The following CNTLN variants were observed in gnomAD, a reference collection of about 807,000 sequenced individuals.
CNTLN encodes the protein centlein, centrosomal protein.
Under a neutral mutation model 180.0 loss-of-function variants are expected in CNTLN, and 212 were observed. The ratio of observed to expected loss-of-function variants is 1.18; its 90% CI spans 1.05 to 1.32. CNTLN has a LOEUF of 1.32. Ranked by LOEUF, CNTLN falls within the 40% of genes most tolerant of loss-of-function variation. The probability of loss-of-function intolerance (pLI) is 0.00; values close to 1 mark genes in which losing one functional copy is unlikely to be tolerated. For missense variants in CNTLN, 2,095 were observed against 1,610.9 expected, an observed-to-expected ratio of 1.30 and a Z score of -5.14; for synonymous variants, 722 against 563.1, an observed-to-expected ratio of 1.28 and a Z score of -3.99.
chr9:17,474,607 G>C (rs540999473), intron 23 of CNTLN, among the ~76,000 whole-genome samples: 1 of 152,114 alleles, frequency 6.6e-6, no homozygotes, highest in Admixed American at 6.6e-5. Flanking sequence ...AGTGGCTCAC[G>C]CCTGTAATCC....
rs1175101171 is a variant in CNTLN, at chr9:17,189,073, G to GTTTTTTTTTTT, written c.450-37113_450-37103dup. Among the ~76,000 whole-genome samples, 8 of 68,906 alleles carry GTTTTTTTTTTT rather than the reference G, an allele frequency of 1.2e-4. 2 individuals carry two copies. Among genetic ancestry groups the GTTTTTTTTTTT allele is most frequent in the African/African-American group, 3.3e-4 (5 of 15,162 alleles). 45.2% of individuals were successfully genotyped at this position (68,906 alleles called of 152,430 possible). A position where few individuals can be genotyped will look rare whatever the true frequency, so the allele number is the denominator to read the frequency against. On this transcript the variant is annotated intron_variant, in intron 2 of 25. Coordinates refer to ENST00000380647, the MANE Select transcript of CNTLN (RefSeq NM_017738.4). ...ATCAATTTGAGCTTTTTGGGACTTAGTTTTTTTTTTTTTTTTTTTTTTTTT... is the reference window on the plus strand; with the variant it reads ...ATCAATTTGAGCTTTTTGGGACTTAGTTTTTTTTTTTTTTTTTTTTTTTTTTTTTTTTTTTT...
chr9:17,411,200 G>C (rs996236195), intron 16 of CNTLN, among the ~76,000 whole-genome samples: 32 of 152,122 alleles, frequency 2.1e-4, no homozygotes, highest in African/African-American at 7.5e-4. Context: ...TCCTGGCCTG[G>C]ATACCTGAAA....
chr9:17,206,765 T>C (rs1467240832), intron 2 of CNTLN, among the ~76,000 whole-genome samples: 1 of 152,240 alleles, frequency 6.6e-6, no homozygotes, highest in Admixed American at 6.5e-5. Flanking sequence ...TGAGCCCCTT[T>C]AGGCGTTCAT....
intron 19 of CNTLN, among the ~76,000 whole-genome samples, 164 bp from the exon 20 acceptor site, chr9:17,462,752 T>C (rs560796523): frequency 6.6e-6 from 1 of 151,632 alleles, no homozygotes; most frequent in South Asian, 2.1e-4. Flanking sequence ...TTATTTCTAT[T>C]ACAGCATATA....
intron 6 of CNTLN, among the ~76,000 whole-genome samples, chr9:17,279,659 C>T (rs1039847428): frequency 6.6e-6 from 1 of 151,210 alleles, no homozygotes; most frequent in African/African-American, 2.4e-5. Context: ...TTATGTAGAG[C>T]AGCTGCTCGA....
At chr9:17,412,431 A>G in intron 16 of CNTLN, among the ~76,000 whole-genome samples, 1 of 152,242 alleles carries the variant, frequency 6.6e-6, no homozygotes, top group East Asian at 1.9e-4. Flanking sequence ...TTGGAGTTAC[A>G]GACAGTCCCC....
chr9:17,369,280 T>G lies in CNTLN; in HGVS notation c.1987+2563T>G, dbSNP rs562353224. Among the ~76,000 whole-genome samples, 4 of 152,202 alleles carry G rather than the reference T, an allele frequency of 2.6e-5. No homozygotes were observed. The South Asian group carries it at 8.3e-4, about 32-fold the overall frequency. On this transcript the variant is annotated intron_variant, in intron 13 of 25. Transcript: ENST00000380647. ...CCCCTTCACCTTCCACCATGATTAT[T>G]AGTTTCCAGAGGCCTCCCCAGCCAT...
rs1016438044 is a variant in CNTLN at position 17,405,030 on chromosome 9, GC to G, written c.2616-4260del. Reference sequence around the variant, plus strand: ...TGGGATTACAGATGTGAGCCACCGCGCCCAGCCTAAAACAATTATTTTGAGG... The same window carrying G: ...TGGGATTACAGATGTGAGCCACCGCGCCAGCCTAAAACAATTATTTTGAGG... On this transcript the variant is annotated intron_variant, in intron 15 of 25. Coordinates refer to ENST00000380647, the MANE Select transcript of CNTLN (RefSeq NM_017738.4). 3.0e-4 allele frequency among the ~76,000 whole-genome samples: 46 copies of G among 151,730 alleles called. 1 individual carries two copies. The highest frequency in any genetic ancestry group is 1.0e-3 in the African/African-American group (43 of 41,134).
chr9:17,281,737 C>T lies in CNTLN; in HGVS notation c.983+7871C>T, dbSNP rs149778261. ...GTCTTTGCTATTGTGAATAGTGCTGCAATGAACATAACACGTGTATGTATC... is the reference window on the plus strand; with the variant it reads ...GTCTTTGCTATTGTGAATAGTGCTGTAATGAACATAACACGTGTATGTATC... On this transcript the variant is annotated intron_variant, in intron 6 of 25. Coordinates refer to ENST00000380647, the MANE Select transcript of CNTLN (RefSeq NM_017738.4). 8.8e-3 allele frequency among the ~76,000 whole-genome samples: 1,339 copies of T among 152,180 alleles called. 11 individuals are homozygous for T. The highest frequency in any genetic ancestry group is 0.031 in the African/African-American group (1,266 of 41,480).
chr9:17,344,628 T>A (rs1821734177), intron 12 of CNTLN, among the ~76,000 whole-genome samples: 1 of 152,148 alleles, frequency 6.6e-6, no homozygotes, highest in South Asian at 2.1e-4. Context: ...TGAAATGTGA[T>A]GTTAAAAATA....
At chr9:17,385,948 C>A (rs940809080) in intron 13 of CNTLN, among the ~76,000 whole-genome samples, 4 of 152,128 alleles carry the variant, frequency 2.6e-5, no homozygotes, top group Non-Finnish European at 5.9e-5. Context: ...TAAAACCTAC[C>A]CACTATGATT....
chr9:17,160,231 A>G (rs1819586214), intron 2 of CNTLN, among the ~76,000 whole-genome samples: 1 of 152,112 alleles, frequency 6.6e-6, no homozygotes, highest in Non-Finnish European at 1.5e-5. Context: ...TATTATTTGT[A>G]AGTGAACTCT....
chr9:17,174,612 C>G (rs1228659615), intron 2 of CNTLN, among the ~76,000 whole-genome samples: 1 of 151,636 alleles, frequency 6.6e-6, no homozygotes, highest in Non-Finnish European at 1.5e-5. Context: ...AGGAGAATTG[C>G]TTCAACCCGG....
chr9:17,139,241 C>T (rs1248376641), intron 1 of CNTLN, among the ~76,000 whole-genome samples: 1 of 151,950 alleles, frequency 6.6e-6, no homozygotes, highest in African/African-American at 2.4e-5. Context: ...GTTCATGCCA[C>T]CACGCCTGGC....
chr9:17,319,197 G>C (rs1297334271), intron 8 of CNTLN, among the ~76,000 whole-genome samples: 1 of 152,232 alleles, frequency 6.6e-6, no homozygotes, highest in Non-Finnish European at 1.5e-5. Flanking sequence ...CCAGAGGTGA[G>C]AAAGTTTGTG....
the CNTLN span, among the ~76,000 whole-genome samples, chr9:17,511,394 G>A: frequency 6.6e-6 from 1 of 152,178 alleles, no homozygotes; most frequent in Non-Finnish European, 1.5e-5. Flanking sequence ...TTGGGCCAGT[G>A]TCTGTGGATC....
downstream of CNTLN, among the ~76,000 whole-genome samples, chr9:17,507,260 T>C (rs1035115229): frequency 6.6e-6 from 1 of 152,180 alleles, no homozygotes; most frequent in Non-Finnish European, 1.5e-5. Context: ...TCTGTTTCTG[T>C]ATTAATTTGC....
At chr9:17,505,528 A>G (rs548756850), downstream of CNTLN, among the ~76,000 whole-genome samples, 1 of 152,286 alleles carries the variant, frequency 6.6e-6, no homozygotes, top group East Asian at 1.9e-4. Context: ...AAAATACAAT[A>G]CAATGTACAA....
intron 18 of CNTLN, among the ~76,000 whole-genome samples, chr9:17,429,635 C>T (rs1829298065): frequency 6.6e-6 from 1 of 151,742 alleles, no homozygotes. Context: ...AATTATTATC[C>T]TGTTTTTATG....
Sources: allele counts gnomAD v4.1 joint callset (sites outside exome capture counted in the v4.1 genomes callset), GRCh38; gene constraint gnomAD v4.1.1; transcripts MANE v1.5; gene names NCBI Gene and HGNC (gene_info 2026-07-23, HGNC 2026-07-21).